LRRC4C: variants seen among roughly 807,000 people sequenced by gnomAD.
The protein encoded by LRRC4C is leucine rich repeat containing 4C, also known as leucine-rich repeat-containing protein 4C.
In LRRC4C, 5 loss-of-function variants were observed where a neutral mutation model predicts 33.6. The observed-to-expected ratio is 0.15, with a 90% confidence interval of 0.08 to 0.31. The LOEUF (loss-of-function observed/expected upper bound fraction) is 0.31, where lower values mean the gene tolerates loss of function less well. Among genes scored for constraint, LRRC4C ranks in the 10% least tolerant of loss-of-function variants. The probability of loss-of-function intolerance (pLI) is 1.00; values close to 1 mark genes in which losing one functional copy is unlikely to be tolerated. For missense variants in LRRC4C, 560 were observed against 796.7 expected, an observed-to-expected ratio of 0.70 and a Z score of 3.58; for synonymous variants, 329 against 302.0, an observed-to-expected ratio of 1.09 and a Z score of -0.93.
intron 1 of LRRC4C, among the ~76,000 whole-genome samples, chr11:41,233,027 C>T (rs190640716): frequency 3.3e-5 from 5 of 152,132 alleles, no homozygotes; most frequent in African/African-American, 4.8e-5. Flanking sequence ...ACATTGACAA[C>T]GTGTCCCAGA....
intron 3 of LRRC4C, among the ~76,000 whole-genome samples, chr11:40,559,211 G>C (rs561932972): frequency 1.4e-5 from 2 of 144,808 alleles, no homozygotes; most frequent in South Asian, 4.4e-4. Context: ...CTGAGGTGGG[G>C]TCTCACTCTG....
intron 1 of LRRC4C, among the ~76,000 whole-genome samples, chr11:40,994,511 A>T (rs1853821694): frequency 6.6e-6 from 1 of 152,088 alleles, no homozygotes; most frequent in Non-Finnish European, 1.5e-5. Context: ...GGAGGTTCAC[A>T]ATTTAGACTT....
At chr11:40,466,216 T>A (rs2138236835) in intron 3 of LRRC4C, among the ~76,000 whole-genome samples, 1 of 152,060 alleles carries the variant, frequency 6.6e-6, no homozygotes, top group East Asian at 1.9e-4. Context: ...AAATAATGTG[T>A]ACACATGGAC....
intron 1 of LRRC4C, among the ~76,000 whole-genome samples, chr11:41,099,025 T>C (rs939493728): frequency 6.6e-6 from 1 of 151,886 alleles, no homozygotes; most frequent in African/African-American, 2.4e-5. Flanking sequence ...TCCACAGAAA[T>C]AGAAACAACA....
At chr11:40,981,729 A>G (rs1325821524) in intron 1 of LRRC4C, among the ~76,000 whole-genome samples, 1 of 152,222 alleles carries the variant, frequency 6.6e-6, no homozygotes, top group Non-Finnish European at 1.5e-5. Flanking sequence ...AACCCAATAT[A>G]CCCACCCACC....
In LRRC4C at chr11:40,420,815, T is replaced by C. The variant is rs1196033046; in HGVS notation, c.-269-101094A>G. Among the ~76,000 whole-genome samples the C allele has an allele frequency of 2.6e-5, 4 of 152,224 alleles. No homozygotes were observed. In the East Asian group the frequency reaches 5.8e-4, roughly 22 times the overall value. ...GTTCAAATGTTAAAGTCAATGCTTT[T>C]AACTATGACATACTACATCCTTGGC... On this transcript the variant is annotated intron_variant, in intron 3 of 6. Coordinates refer to ENST00000528697, the MANE Select transcript of LRRC4C (RefSeq NM_001258419.2).
intron 3 of LRRC4C, among the ~76,000 whole-genome samples, chr11:40,643,907 G>T (rs1025825463): frequency 6.6e-6 from 1 of 152,038 alleles, no homozygotes; most frequent in Non-Finnish European, 1.5e-5. Flanking sequence ...ACAATATCCA[G>T]AATCTCATAA....
At chr11:41,045,825 T>C (rs1003282384) in intron 1 of LRRC4C, among the ~76,000 whole-genome samples, 10 of 152,120 alleles carry the variant, frequency 6.6e-5, no homozygotes, top group African/African-American at 2.2e-4. Flanking sequence ...GGGTATCTTT[T>C]GCCCTGGGAA....
At position 41,344,163 on chromosome 11, in the gene LRRC4C, C is replaced by T. The variant is rs142405121; in HGVS notation, c.-496+115268G>A. ...GAACATCCCCATTCCCCATGTCTTC[C>T]GCTTCCAGAGCCCAGTGATTTTCCC... On this transcript the variant is annotated intron_variant, in intron 1 of 6. Coordinates refer to ENST00000528697, the MANE Select transcript of LRRC4C (RefSeq NM_001258419.2). Among the ~76,000 whole-genome samples the T allele has an allele frequency of 6.0e-3, 912 of 151,992 alleles. 10 individuals carry two copies. Among genetic ancestry groups the T allele is most frequent in the Middle Eastern group, 0.035 (10 of 288 alleles).
At chr11:40,574,639 TAA>T (rs1427670165) in intron 3 of LRRC4C, among the ~76,000 whole-genome samples, 3 of 152,188 alleles carry the variant, frequency 2.0e-5, no homozygotes, top group Non-Finnish European at 4.4e-5. Flanking sequence ...TCCCTTTATA[TAA>T]GTCTCTAGAA....
chr11:40,892,068 G>A (rs1016905519), intron 2 of LRRC4C, among the ~76,000 whole-genome samples: 1 of 149,508 alleles, frequency 6.7e-6, no homozygotes, highest in African/African-American at 2.4e-5. Context: ...CCGTGAGGCG[G>A]AGCTTGCAGT....
intron 2 of LRRC4C, among the ~76,000 whole-genome samples, chr11:40,844,598 T>C (rs1377849977): frequency 6.6e-6 from 1 of 152,192 alleles, no homozygotes; most frequent in Non-Finnish European, 1.5e-5. Context: ...ATTGAACTAT[T>C]AGATCAACTA....
chr11:41,376,260 A>C (rs956916783), intron 1 of LRRC4C, among the ~76,000 whole-genome samples: 2 of 152,186 alleles, frequency 1.3e-5, no homozygotes, highest in African/African-American at 4.8e-5. Context: ...GCTGAATAAG[A>C]ATATGCCACT....
At chr11:40,139,572 A>G (rs1565040735) in intron 6 of LRRC4C, among the ~76,000 whole-genome samples, 1 of 152,170 alleles carries the variant, frequency 6.6e-6, no homozygotes, top group Non-Finnish European at 1.5e-5. Context: ...GTCAAATGAC[A>G]TTCATTAAAA....
chr11:40,585,436 A>AG (rs1189555955), intron 3 of LRRC4C, among the ~76,000 whole-genome samples: 3 of 152,144 alleles, frequency 2.0e-5, no homozygotes, highest in African/African-American at 7.2e-5. Context: ...ACTTAAAAAA[A>AG]GACATTGAGT....
intron 1 of LRRC4C, among the ~76,000 whole-genome samples, chr11:41,129,110 G>A (rs761469026): frequency 1.3e-5 from 2 of 151,874 alleles, no homozygotes; most frequent in South Asian, 2.1e-4. Context: ...GTTAGGAAAC[G>A]AAAGACATGT....
chr11:40,747,985 T>C (rs1948506061), intron 2 of LRRC4C, among the ~76,000 whole-genome samples: 1 of 152,040 alleles, frequency 6.6e-6, no homozygotes, highest in Admixed American at 6.6e-5. Flanking sequence ...TAAAACCTAG[T>C]TAACAAAAAT....
chr11:40,623,186 T>C (rs920413842), intron 3 of LRRC4C, among the ~76,000 whole-genome samples: 1 of 151,820 alleles, frequency 6.6e-6, no homozygotes, highest in Non-Finnish European at 1.5e-5. Flanking sequence ...TTGGAAAAGA[T>C]GATCACTAAG....
At chr11:41,421,916 G>T (rs185867377) in intron 1 of LRRC4C, among the ~76,000 whole-genome samples, 2 of 152,074 alleles carry the variant, frequency 1.3e-5, no homozygotes, top group Non-Finnish European at 2.9e-5. Flanking sequence ...ACCGATAAGT[G>T]GTCCATTATG....
Sources: gnomAD v4.1 joint callset for allele counts (sites outside exome capture counted in the v4.1 genomes callset) on GRCh38, gnomAD v4.1.1 for gene constraint, MANE v1.5 for transcripts, NCBI Gene and HGNC (gene_info 2026-07-23, HGNC 2026-07-21) for gene names.